EYS: variants seen among roughly 807,000 people sequenced by gnomAD.
EYS encodes protein eyes shut homolog.
Under a neutral mutation model 282.1 loss-of-function variants are expected in EYS, and 250 were observed. That is an observed-to-expected ratio of 0.89 (90% confidence interval 0.80 to 0.98). EYS has a LOEUF of 0.98. Among genes scored for constraint, EYS ranks in the 50% least tolerant of loss-of-function variants. The probability of loss-of-function intolerance (pLI) is 0.00; values close to 1 mark genes in which losing one functional copy is unlikely to be tolerated. For missense variants in EYS, 4,016 were observed against 3,709.0 expected (o/e 1.08, Z -2.15); for synonymous variants, 1,355 against 1,282.9 (o/e 1.06, Z -1.20).
At chr6:64,126,109 C>A (rs542093803) in intron 31 of EYS, among the ~76,000 whole-genome samples, 2 of 152,018 alleles carry the variant, frequency 1.3e-5, no homozygotes, top group South Asian at 4.1e-4. Context: ...GTTGGTGGGA[C>A]TATAAACTAG....
At chr6:63,730,281 A>ATTGATCTTTTTACTTT (rs1360897813) in intron 41 of EYS, among the ~76,000 whole-genome samples, 1 of 152,176 alleles carries the variant, frequency 6.6e-6, no homozygotes. Context: ...TGTACTCCTC[A>ATTGATCTTTTTACTTT]TTGATCTTTT....
Position 64,060,428 on chromosome 6 carries a change from A to G in EYS, c.6725+5910T>C, listed in dbSNP as rs562421879. On this transcript the variant is annotated intron_variant, in intron 33 of 42. Coordinates refer to ENST00000503581, the MANE Select transcript of EYS (RefSeq NM_001142800.2). ...AGATAACTGGAATCTGATGTTGAGCAGAGGTGTCTGAGAGCCTTTAACAAA... is the reference window on the plus strand; with the variant it reads ...AGATAACTGGAATCTGATGTTGAGCGGAGGTGTCTGAGAGCCTTTAACAAA... Among the ~76,000 whole-genome samples, 9 of 152,304 alleles carry G rather than the reference A, an allele frequency of 5.9e-5. No homozygotes were observed. The South Asian group carries it at 1.9e-3, about 32-fold the overall frequency.
At chr6:64,391,096 G>A (rs1176429404) in intron 28 of EYS, among the ~76,000 whole-genome samples, 1 of 152,076 alleles carries the variant, frequency 6.6e-6, no homozygotes, top group East Asian at 1.9e-4. Flanking sequence ...AAAGAAAGGA[G>A]CAAAGCCTCC....
chr6:64,946,428 G>A (rs1769291418), intron 14 of EYS, among the ~76,000 whole-genome samples: 1 of 151,970 alleles, frequency 6.6e-6, no homozygotes, highest in African/African-American at 2.4e-5. Flanking sequence ...GAAACAGAGA[G>A]TTGCCCTATG....
intron 33 of EYS, among the ~76,000 whole-genome samples, chr6:64,001,959 G>C (rs1401115562): frequency 6.6e-6 from 1 of 152,110 alleles, no homozygotes; most frequent in Non-Finnish European, 1.5e-5. Flanking sequence ...AATGAGAATA[G>C]GCACTCATGT....
chr6:64,528,385 T>A (rs1777992559), intron 26 of EYS, among the ~76,000 whole-genome samples: 1 of 151,816 alleles, frequency 6.6e-6, no homozygotes, highest in Admixed American at 6.6e-5. Context: ...GGCTCTCAAT[T>A]CCAGGGTTCT....
chr6:64,955,798 C>T (rs567990577), intron 14 of EYS, among the ~76,000 whole-genome samples: 18 of 152,254 alleles, frequency 1.2e-4, no homozygotes, highest in African/African-American at 4.1e-4. Context: ...CTACGAAAGG[C>T]TTTCTTATTT....
chr6:64,984,793 T>G (rs1770798481), intron 14 of EYS, among the ~76,000 whole-genome samples: 1 of 151,470 alleles, frequency 6.6e-6, no homozygotes, highest in Non-Finnish European at 1.5e-5. Flanking sequence ...CCAGGTTTTA[T>G]TCTTATCCAT....
chr6:65,476,793 T>A (rs1765424750), intron 5 of EYS, among the ~76,000 whole-genome samples: 1 of 152,108 alleles, frequency 6.6e-6, no homozygotes, highest in Non-Finnish European at 1.5e-5. Flanking sequence ...GCCAGGATGG[T>A]CTCAATCTCT....
At chr6:64,462,562 T>G (rs1283117833) in intron 26 of EYS, among the ~76,000 whole-genome samples, 1 of 152,124 alleles carries the variant, frequency 6.6e-6, no homozygotes. Flanking sequence ...AGTTATCTAG[T>G]GTCGCCACTT....
Position 64,030,841 on chromosome 6 carries a change from C to T in EYS, c.6726-31658G>A, listed in dbSNP as rs116003796. ...TCTACTGAGGACCCCTGGACCAACG[C>T]GCTGGCACTTTCCCTGGCCTAGAGA... On this transcript the variant is annotated intron_variant, in intron 33 of 42. Transcript: ENST00000503581. Among the ~76,000 whole-genome samples, 1,283 of 152,348 alleles carry T rather than the reference C, an allele frequency of 8.4e-3. 7 individuals carry two copies. Among genetic ancestry groups the T allele is most frequent in the Admixed American group, 0.013 (203 of 15,308 alleles).
At chr6:64,551,678 A>T (rs1333646571) in intron 26 of EYS, among the ~76,000 whole-genome samples, 1 of 151,720 alleles carries the variant, frequency 6.6e-6, no homozygotes, top group African/African-American at 2.4e-5. Context: ...CAAGGACCAC[A>T]AGCACCCGCC....
intron 26 of EYS, among the ~76,000 whole-genome samples, chr6:64,557,996 A>G (rs1765284793): frequency 6.6e-6 from 1 of 152,088 alleles, no homozygotes; most frequent in East Asian, 1.9e-4. Flanking sequence ...CATTTGTGAT[A>G]CTACAGACAC....
At chr6:63,866,899 G>C (rs1772682969) in intron 35 of EYS, among the ~76,000 whole-genome samples, 1 of 152,154 alleles carries the variant, frequency 6.6e-6, no homozygotes, top group Admixed American at 6.5e-5. Flanking sequence ...AAGACTTCTT[G>C]GAGTGTCAGA....
intron 35 of EYS, among the ~76,000 whole-genome samples, chr6:63,928,160 T>G (rs1764774383): frequency 6.6e-6 from 1 of 152,194 alleles, no homozygotes; most frequent in Non-Finnish European, 1.5e-5. Flanking sequence ...ACATTTAAAG[T>G]GCTAGACAAC....
chr6:64,511,419 G>A (rs1327810451), intron 26 of EYS, among the ~76,000 whole-genome samples: 3 of 151,798 alleles, frequency 2.0e-5, no homozygotes, highest in Non-Finnish European at 4.4e-5. Context: ...AGATGATTTA[G>A]GACAAAGAGC....
At chr6:64,453,979 C>T (rs1775464782) in intron 26 of EYS, among the ~76,000 whole-genome samples, 1 of 151,990 alleles carries the variant, frequency 6.6e-6, no homozygotes, top group Non-Finnish European at 1.5e-5. Flanking sequence ...GCACGTTGTG[C>T]ACATGTACCC....
chr6:65,457,877 A>C (rs1034496020), intron 5 of EYS, among the ~76,000 whole-genome samples: 1 of 152,162 alleles, frequency 6.6e-6, no homozygotes, highest in African/African-American at 2.4e-5. Context: ...CCACAGTAGT[A>C]GCCATTGAAA....
chr6:64,400,110 A>C (rs900258506), intron 28 of EYS, among the ~76,000 whole-genome samples: 1 of 151,940 alleles, frequency 6.6e-6, no homozygotes, highest in Non-Finnish European at 1.5e-5. Flanking sequence ...AATTATTTAT[A>C]GATATATTGC....
Sources: allele counts gnomAD v4.1 joint callset (sites outside exome capture counted in the v4.1 genomes callset), GRCh38; gene constraint gnomAD v4.1.1; transcripts MANE v1.5; gene names NCBI Gene and HGNC (gene_info 2026-07-23, HGNC 2026-07-21).